The following IL7 variants were observed in gnomAD, a reference collection of about 807,000 sequenced individuals.
IL7 encodes the protein interleukin-7.
A neutral mutation model predicts 21.6 loss-of-function variants in IL7; 3 were observed. That is an observed-to-expected ratio of 0.14 (90% CI 0.06 to 0.36). IL7 has a LOEUF of 0.36. Among genes scored for constraint, IL7 ranks in the 10% least tolerant of loss-of-function variants. The probability of loss-of-function intolerance (pLI) is 1.00; values close to 1 mark genes in which losing one functional copy is unlikely to be tolerated. For missense variants in IL7, 175 were observed against 200.2 expected, an observed-to-expected ratio of 0.87 and a Z score of 0.76; for synonymous variants, 62 against 68.1, an observed-to-expected ratio of 0.91 and a Z score of 0.44.
intron 3 of IL7, among the ~76,000 whole-genome samples, chr8:78,691,662 G>A (rs1252391776): frequency 6.6e-6 from 1 of 151,548 alleles, no homozygotes; most frequent in East Asian, 1.9e-4. Flanking sequence ...TTTCCCTTTT[G>A]TCTTCATAAG....
downstream of IL7, among the ~76,000 whole-genome samples, chr8:78,714,670 T>A (rs1303239536): frequency 2.0e-5 from 3 of 152,186 alleles, no homozygotes; most frequent in Non-Finnish European, 4.4e-5. Context: ...GAAGTCCCTC[T>A]GATTTCGGAT....
At chr8:78,775,313 C>G (rs1813096501) in intron 2 of IL7, among the ~76,000 whole-genome samples, 2 of 152,068 alleles carry the variant, frequency 1.3e-5, no homozygotes, top group African/African-American at 4.8e-5. Context: ...TTCACCTGTA[C>G]TTGGTACAGT....
At chr8:78,717,021 C>A (rs1365995717), downstream of IL7, among the ~76,000 whole-genome samples, 9 of 150,304 alleles carry the variant, frequency 6.0e-5, no homozygotes, top group East Asian at 9.7e-4. Flanking sequence ...GTCAGTTAAA[C>A]CTCTTTTCTT....
chr8:78,681,163 A>T (rs1421440364), intron 4 of IL7, among the ~76,000 whole-genome samples: 1 of 152,028 alleles, frequency 6.6e-6, no homozygotes. Context: ...AACTAGTCTG[A>T]ATCTGTTGCA....
chr8:78,801,040 A>T (rs1814038844), intron 1 of IL7, among the ~76,000 whole-genome samples: 1 of 152,170 alleles, frequency 6.6e-6, no homozygotes, highest in Non-Finnish European at 1.5e-5. Context: ...CTTTCCAATG[A>T]GGGTTGCTGG....
At chr8:78,709,669 T>G (rs1810892745) in intron 3 of IL7, among the ~76,000 whole-genome samples, 1 of 151,828 alleles carries the variant, frequency 6.6e-6, no homozygotes, top group Non-Finnish European at 1.5e-5. Context: ...AAAGAAGAAT[T>G]GTCTTGGACC....
intron 2 of IL7, among the ~76,000 whole-genome samples, chr8:78,771,159 C>A (rs1392012304): frequency 6.6e-6 from 1 of 151,466 alleles, no homozygotes; most frequent in African/African-American, 2.4e-5. Context: ...TGTTGGAGCT[C>A]CAAAACCTCC....
At chr8:78,684,989 T>C (rs1485111114) in intron 4 of IL7, among the ~76,000 whole-genome samples, 1 of 152,180 alleles carries the variant, frequency 6.6e-6, no homozygotes, top group Admixed American at 6.5e-5. Context: ...TTCAAAAGTT[T>C]ACATCAAAAA....
At chr8:78,694,789 T>C (rs796623995) in intron 3 of IL7, among the ~76,000 whole-genome samples, 1 of 152,176 alleles carries the variant, frequency 6.6e-6, no homozygotes, top group South Asian at 2.1e-4. Flanking sequence ...ATGTATGAGA[T>C]TTGTGAGCAG....
At chr8:78,691,877 C>T (rs1471545223) in intron 3 of IL7, among the ~76,000 whole-genome samples, 3 of 151,996 alleles carry the variant, frequency 2.0e-5, no homozygotes, top group Admixed American at 2.0e-4. Context: ...GTTATACTTA[C>T]TGCCTTATTT....
intron 2 of IL7, among the ~76,000 whole-genome samples, chr8:78,748,571 G>T (rs1042994741): frequency 2.6e-5 from 4 of 152,146 alleles, no homozygotes; most frequent in Non-Finnish European, 4.4e-5. Context: ...CCTAACTATG[G>T]TAAGCTGGTT....
chr8:78,800,951 T>C (rs188403231), intron 1 of IL7, among the ~76,000 whole-genome samples: 2 of 152,342 alleles, frequency 1.3e-5, no homozygotes, highest in African/African-American at 2.4e-5. Flanking sequence ...AGCTGTCTTC[T>C]TCACCTCAAT....
At chr8:78,682,602 T>A (rs914691033) in intron 4 of IL7, among the ~76,000 whole-genome samples, 1 of 152,160 alleles carries the variant, frequency 6.6e-6, no homozygotes, top group African/African-American at 2.4e-5. Context: ...CTGTGGGGAT[T>A]ATGAGAACTA....
intron 2 of IL7, among the ~76,000 whole-genome samples, chr8:78,773,739 T>C (rs765595540): frequency 1.3e-5 from 2 of 152,152 alleles, no homozygotes; most frequent in Non-Finnish European, 2.9e-5. Flanking sequence ...TGGCGATTAG[T>C]ACATGTTTGG....
At chr8:78,758,759 C>T (rs191842714) in intron 2 of IL7, among the ~76,000 whole-genome samples, 12 of 152,124 alleles carry the variant, frequency 7.9e-5, no homozygotes, top group Non-Finnish European at 1.3e-4. Context: ...TGATGTTTTT[C>T]TCTTGCTATT....
intron 3 of IL7, among the ~76,000 whole-genome samples, chr8:78,711,521 A>C (rs1450880849): frequency 6.6e-6 from 1 of 152,070 alleles, no homozygotes; most frequent in African/African-American, 2.4e-5. Flanking sequence ...GTGGAGTTAG[A>C]AAGTCAAATG....
chr8:78,803,826 GCTCT>G (rs760523408), intron 1 of IL7, among the ~76,000 whole-genome samples: 7 of 152,084 alleles, frequency 4.6e-5, no homozygotes, highest in South Asian at 2.1e-4. Flanking sequence ...TATTCTTTCC[GCTCT>G]CTCTATCTTT....
chr8:78,726,282 A>G (rs1201890724), intron 3 of IL7, among the ~76,000 whole-genome samples: 3 of 151,948 alleles, frequency 2.0e-5, no homozygotes, highest in African/African-American at 4.8e-5. Context: ...AGGGTATTCA[A>G]TGTGATTGAT....
chr8:78,753,826 T>C (rs1358532120), intron 2 of IL7, among the ~76,000 whole-genome samples: 4 of 152,198 alleles, frequency 2.6e-5, no homozygotes, highest in Non-Finnish European at 5.9e-5. Flanking sequence ...ATTTATTAAA[T>C]AGGGAAACCT....
Sources: allele counts gnomAD v4.1 joint callset (sites outside exome capture counted in the v4.1 genomes callset), GRCh38; gene constraint gnomAD v4.1.1; transcripts MANE v1.5; gene names NCBI Gene and HGNC (gene_info 2026-07-23, HGNC 2026-07-21).